Variants in SLC9A9 observed in about 807,000 individuals in gnomAD.
SLC9A9 encodes the protein sodium/hydrogen exchanger 9.
Under a neutral mutation model 77.8 loss-of-function variants are expected in SLC9A9, and 62 were observed. That is an observed-to-expected ratio of 0.80 (90% CI 0.65 to 0.98). The LOEUF (loss-of-function observed/expected upper bound fraction) is 0.98, where lower values mean the gene tolerates loss of function less well. Among genes scored for constraint, SLC9A9 ranks in the 50% least tolerant of loss-of-function variants. The pLI is 0.00. For synonymous variants in SLC9A9, 320 were observed against 283.5 expected (o/e 1.13, Z -1.29); for missense variants, 775 against 774.9 (o/e 1.00, Z 0.00).
intron 13 of SLC9A9, among the ~76,000 whole-genome samples, chr3:143,372,368 A>G (rs982494596): frequency 6.6e-6 from 1 of 152,152 alleles, no homozygotes; most frequent in African/African-American, 2.4e-5. Flanking sequence ...AAGTAGATAC[A>G]TAGACCAATG....
intron 4 of SLC9A9, among the ~76,000 whole-genome samples, chr3:143,791,555 C>T (rs1314278271): frequency 3.3e-5 from 5 of 152,168 alleles, no homozygotes; most frequent in Non-Finnish European, 7.3e-5. Flanking sequence ...TTTTCATTCC[C>T]ACATTCTCTG....
chr3:143,453,482 C>A (rs1394839183), intron 12 of SLC9A9, among the ~76,000 whole-genome samples: 1 of 152,014 alleles, frequency 6.6e-6, no homozygotes, highest in Non-Finnish European at 1.5e-5. Flanking sequence ...AAATAGTTAT[C>A]TTGAGAATGT....
chr3:143,602,123 T>C (rs550032633), intron 6 of SLC9A9, among the ~76,000 whole-genome samples: 8 of 152,342 alleles, frequency 5.3e-5, no homozygotes, highest in Non-Finnish European at 1.0e-4. Context: ...TCCTTAATAT[T>C]ATCATGTAAG....
intron 13 of SLC9A9, among the ~76,000 whole-genome samples, chr3:143,364,006 G>C (rs1254102093): frequency 6.6e-6 from 1 of 152,118 alleles, no homozygotes; most frequent in Non-Finnish European, 1.5e-5. Context: ...TATTACCAAA[G>C]GCTATTGGTT....
chr3:143,434,612 G>C (rs368133838), intron 12 of SLC9A9, among the ~76,000 whole-genome samples: 2 of 152,018 alleles, frequency 1.3e-5, no homozygotes, highest in Non-Finnish European at 2.9e-5. Context: ...TCCAGAATAC[G>C]CCTATGCTGC....
intron 6 of SLC9A9, among the ~76,000 whole-genome samples, chr3:143,605,931 C>T (rs2037915312): frequency 6.6e-6 from 1 of 152,108 alleles, no homozygotes; most frequent in African/African-American, 2.4e-5. Flanking sequence ...CTCAAATCCC[C>T]AGAGGTAAGA....
chr3:143,771,838 C>T (rs2007529760), intron 4 of SLC9A9, among the ~76,000 whole-genome samples: 1 of 152,106 alleles, frequency 6.6e-6, no homozygotes, highest in South Asian at 2.1e-4. Context: ...TGTCTCATTT[C>T]CCAGGGGGTG....
chr3:143,670,512 T>C (rs777895451), intron 5 of SLC9A9, among the ~76,000 whole-genome samples: 27 of 152,082 alleles, frequency 1.8e-4, no homozygotes, highest in Admixed American at 2.6e-4. Flanking sequence ...CTCCAAAGAG[T>C]ATCTGAGCCC....
At chr3:143,294,543 C>A (rs2030163713) in intron 14 of SLC9A9, among the ~76,000 whole-genome samples, 1 of 152,262 alleles carries the variant, frequency 6.6e-6, no homozygotes, top group African/African-American at 2.4e-5. Flanking sequence ...TCAACTGGAT[C>A]CTAAATTAGC....
intron 2 of SLC9A9, among the ~76,000 whole-genome samples, chr3:143,807,785 G>T (rs1352712910): frequency 6.6e-6 from 1 of 151,280 alleles, no homozygotes; most frequent in Non-Finnish European, 1.5e-5. Flanking sequence ...AGCTGTGTGT[G>T]TTCAGAAACC....
chr3:143,773,537 T>C (rs1172725458), intron 4 of SLC9A9, among the ~76,000 whole-genome samples: 1 of 151,170 alleles, frequency 6.6e-6, no homozygotes, highest in Non-Finnish European at 1.5e-5. Context: ...CAGGCTGGAG[T>C]GCAATGGCGC....
intron 11 of SLC9A9, among the ~76,000 whole-genome samples, chr3:143,476,528 C>G (rs537000578): frequency 5.9e-5 from 9 of 152,140 alleles, no homozygotes; most frequent in Non-Finnish European, 1.3e-4. Context: ...TTTGTTTTTA[C>G]GTGGGTAAGA....
chr3:143,588,080 T>C (rs2037576364), intron 6 of SLC9A9, among the ~76,000 whole-genome samples: 1 of 152,192 alleles, frequency 6.6e-6, no homozygotes, highest in Non-Finnish European at 1.5e-5. Context: ...TTCTAATTCT[T>C]AGATCTGATG....
chr3:143,769,553 G>A (rs2007443792), intron 4 of SLC9A9, among the ~76,000 whole-genome samples: 1 of 152,140 alleles, frequency 6.6e-6, no homozygotes, highest in South Asian at 2.1e-4. Flanking sequence ...TGTTATAAAT[G>A]CTCTCTTTTG....
chr3:143,419,137 T>C (rs2034251917), intron 12 of SLC9A9, among the ~76,000 whole-genome samples: 1 of 152,228 alleles, frequency 6.6e-6, no homozygotes, highest in Non-Finnish European at 1.5e-5. Flanking sequence ...TACTATATTT[T>C]CTTTTCATTA....
intron 12 of SLC9A9, among the ~76,000 whole-genome samples, chr3:143,389,552 G>A (rs1559894024): frequency 6.6e-6 from 1 of 152,126 alleles, no homozygotes; most frequent in Non-Finnish European, 1.5e-5. Context: ...TTCCCCCAAG[G>A]GACATCCTGT....
chr3:143,658,511 T>C (rs1389835785), intron 5 of SLC9A9, among the ~76,000 whole-genome samples: 12 of 152,206 alleles, frequency 7.9e-5, no homozygotes, highest in Non-Finnish European at 5.9e-5. Flanking sequence ...GGAAAATTAT[T>C]CTTTTTACAT....
intron 4 of SLC9A9, among the ~76,000 whole-genome samples, chr3:143,755,828 T>C (rs1467959202): frequency 1.3e-5 from 2 of 151,164 alleles, no homozygotes; most frequent in East Asian, 1.9e-4. Flanking sequence ...CAAATGCATG[T>C]GTGTGTGTGT....
intron 12 of SLC9A9, among the ~76,000 whole-genome samples, chr3:143,462,479 G>A (rs1457294504): frequency 6.6e-6 from 1 of 152,212 alleles, no homozygotes; most frequent in African/African-American, 2.4e-5. Context: ...TTGGGGAAGA[G>A]GCTGACGGCA....
Sources: allele counts gnomAD v4.1 joint callset (sites outside exome capture counted in the v4.1 genomes callset), GRCh38; gene constraint gnomAD v4.1.1; transcripts MANE v1.5; gene names NCBI Gene and HGNC (gene_info 2026-07-23, HGNC 2026-07-21).